Variants in MYO16 observed in about 807,000 individuals in gnomAD.
MYO16 encodes the protein myosin XVI.
A neutral mutation model predicts 205.3 loss-of-function variants in MYO16; 94 were observed. The ratio of observed to expected loss-of-function variants is 0.46; its 90% confidence interval spans 0.39 to 0.54. The LOEUF (loss-of-function observed/expected upper bound fraction) is 0.54, where lower values mean the gene tolerates loss of function less well. Among genes scored for constraint, MYO16 ranks in the 20% least tolerant of loss-of-function variants. The pLI is 0.00. For synonymous variants in MYO16, 988 were observed against 954.0 expected (o/e 1.04, Z -0.66); for missense variants, 2,315 against 2,387.5 (o/e 0.97, Z 0.63).
chr13:108,852,011 C>G (rs914492404), intron 10 of MYO16, among the ~76,000 whole-genome samples: 1 of 152,162 alleles, frequency 6.6e-6, no homozygotes, highest in African/African-American at 2.4e-5. Context: ...CCTTACAGCC[C>G]TCACCATGTC....
chr13:108,861,505 C>T (rs555866713), intron 11 of MYO16, among the ~76,000 whole-genome samples: 1 of 152,204 alleles, frequency 6.6e-6, no homozygotes, highest in East Asian at 1.9e-4. Flanking sequence ...TTTTGGCCCA[C>T]ATAAGTACTT....
At chr13:108,812,970 T>G (rs777031380) in intron 7 of MYO16, among the ~76,000 whole-genome samples, 1 of 152,174 alleles carries the variant, frequency 6.6e-6, no homozygotes, top group Non-Finnish European at 1.5e-5. Context: ...AATAAATTTC[T>G]GTTCATTATA....
chr13:109,006,742 C>T (rs1885399398), intron 21 of MYO16, among the ~76,000 whole-genome samples: 1 of 152,062 alleles, frequency 6.6e-6, no homozygotes, highest in Non-Finnish European at 1.5e-5. Flanking sequence ...TTCTAACCGG[C>T]TTTAAGTTTT....
At chr13:109,169,810 C>T (rs1027271581) in intron 33 of MYO16, among the ~76,000 whole-genome samples, 67 of 152,138 alleles carry the variant, frequency 4.4e-4, no homozygotes, top group Admixed American at 3.3e-4. Context: ...GTCACGTACA[C>T]GCTTTCAGAG....
chr13:109,093,859 C>T (rs902863316), intron 27 of MYO16, among the ~76,000 whole-genome samples: 2 of 152,084 alleles, frequency 1.3e-5, no homozygotes, highest in African/African-American at 4.8e-5. Context: ...CTCACAGTAT[C>T]GATGATGATT....
chr13:108,923,678 C>A (rs1422618045), intron 16 of MYO16, among the ~76,000 whole-genome samples: 2 of 152,226 alleles, frequency 1.3e-5, no homozygotes, highest in African/African-American at 4.8e-5. Flanking sequence ...AGCCTGCAGA[C>A]CTCTCTTCCC....
At chr13:109,035,167 T>TG (rs397830740) in intron 23 of MYO16, among the ~76,000 whole-genome samples, 3 of 151,990 alleles carry the variant, frequency 2.0e-5, no homozygotes, top group Non-Finnish European at 4.4e-5. Flanking sequence ...CAGGGATTTT[T>TG]GAAAAATCCT....
At chr13:108,641,921 A>G (rs1880520826) in intron 1 of MYO16, among the ~76,000 whole-genome samples, 1 of 152,216 alleles carries the variant, frequency 6.6e-6, no homozygotes, top group Non-Finnish European at 1.5e-5. Context: ...ACAGTCATGT[A>G]GGTTGGACAG....
At chr13:108,599,577 T>C (rs1594134561) in intron 1 of MYO16, among the ~76,000 whole-genome samples, 2 of 152,186 alleles carry the variant, frequency 1.3e-5, no homozygotes, top group South Asian at 2.1e-4. Flanking sequence ...GAAGGATACG[T>C]ACCATATAGA....
Position 109,141,009 on chromosome 13 carries a change from G to A in MYO16, c.4797G>A (p.Pro1599=). The change falls in exon 32 of 35, where the codon CCG becomes CCA. Residue 1599 remains proline (P), a synonymous_variant. Transcript: ENST00000457511. This position sits in a 1 kb window ranked among gnomAD's most constrained non-coding sequence, Gnocchi z 4.1. ...ASPPSTPPPP[P]PPPGPPPAPY... ...CGCCGTCCACGCCGCCCCCGCCCCC[G>A]CCCCCGCCCGGGCCGCCCCCCGCGC... 1.5e-6 allele frequency: 2 copies of A among 1,291,878 alleles called. No individual in the cohort carries two copies. Among genetic ancestry groups the A allele is most frequent in the Non-Finnish European group, 2.0e-6 (2 of 1,015,808 alleles). The allele number at this position is 1,291,878 out of a possible 1,614,324, so 80.0% of individuals were successfully genotyped here.
chr13:108,737,444 T>C (rs547472909), intron 4 of MYO16, among the ~76,000 whole-genome samples: 50 of 152,368 alleles, frequency 3.3e-4, no homozygotes, highest in Admixed American at 3.0e-3. Context: ...TTACATTTAA[T>C]GATTTGTGTA....
At chr13:109,043,769 C>G (rs911321822) in intron 23 of MYO16, among the ~76,000 whole-genome samples, 11 of 152,020 alleles carry the variant, frequency 7.2e-5, no homozygotes, top group Admixed American at 4.6e-4. Context: ...CCAGATGGCA[C>G]CCTGGTTTCT....
At chr13:108,798,690 T>TA (rs2138960773) in intron 6 of MYO16, among the ~76,000 whole-genome samples, 1 of 30,340 alleles carries the variant, frequency 3.3e-5, no homozygotes, top group Admixed American at 4.8e-4. Flanking sequence ...CGAGGCTTAT[T>TA]TTTTTTTTTT....
chr13:109,054,790 T>G (rs1445800573), intron 25 of MYO16, among the ~76,000 whole-genome samples: 1 of 152,150 alleles, frequency 6.6e-6, no homozygotes, highest in Non-Finnish European at 1.5e-5. Flanking sequence ...TGTAAGTGAA[T>G]GTACATGGAT....
chr13:109,033,959 T>C (rs1364502518), intron 23 of MYO16, among the ~76,000 whole-genome samples: 1 of 152,162 alleles, frequency 6.6e-6, no homozygotes, highest in Non-Finnish European at 1.5e-5. Context: ...GCAGTGCTTT[T>C]AGGGTTGTAG....
At chr13:108,696,844 T>C (rs767140634) in intron 2 of MYO16, among the ~76,000 whole-genome samples, 2 of 152,172 alleles carry the variant, frequency 1.3e-5, no homozygotes, top group Non-Finnish European at 2.9e-5. Flanking sequence ...CTGGACCTTA[T>C]TGTTTCTTTC....
intron 21 of MYO16, among the ~76,000 whole-genome samples, chr13:108,997,728 C>G (rs913500320): frequency 4.6e-5 from 7 of 152,080 alleles, no homozygotes; most frequent in Admixed American, 1.3e-4. Flanking sequence ...TTCCCAGCTA[C>G]TCGGGAGGGT....
In MYO16 at chr13:108,665,823, T is replaced by C. The variant is rs567604421; in HGVS notation, c.29-63T>C. ...GGACAATATAAAATCAAGTGTGCTGTGGTGCACACTTATAGTGGTTATAAT... is the reference window on the plus strand; with the variant it reads ...GGACAATATAAAATCAAGTGTGCTGCGGTGCACACTTATAGTGGTTATAAT... On this transcript the variant is annotated intron_variant, in intron 1 of 34. Transcript: ENST00000457511. The C allele has an allele frequency of 1.5e-3, 2,286 of 1,487,790 alleles. 2 individuals carry two copies. The highest frequency in any genetic ancestry group is 1.9e-3 in the Non-Finnish European group (2,043 of 1,094,378). The allele number at this position is 1,487,790 out of a possible 1,614,324, so 92.2% of individuals were successfully genotyped here.
intron 10 of MYO16, among the ~76,000 whole-genome samples, chr13:108,851,415 G>A (rs922642102): frequency 6.6e-6 from 1 of 152,110 alleles, no homozygotes; most frequent in African/African-American, 2.4e-5. Context: ...GATGGTGAAA[G>A]CTCCCTTTCA....
Sources: gnomAD v4.1 joint callset for allele counts (sites outside exome capture counted in the v4.1 genomes callset) on GRCh38, gnomAD v4.1.1 for gene constraint, Gnocchi (gnomAD v3.1) non-coding constraint, MANE v1.5 for transcripts, NCBI Gene and HGNC (gene_info 2026-07-23, HGNC 2026-07-21) for gene names.